The following DNAH14 variants were observed in gnomAD, a reference collection of about 807,000 sequenced individuals.
The protein encoded by DNAH14 is dynein axonemal heavy chain 14.
DNAH14 carries 478 observed loss-of-function variants against 520.9 expected under a neutral mutation model. The observed-to-expected ratio is 0.92, with a 90% CI of 0.85 to 0.99. DNAH14 has a LOEUF of 0.99. Among genes scored for constraint, DNAH14 ranks in the 50% least tolerant of loss-of-function variants. DNAH14 has a pLI of 0.00. For missense variants in DNAH14, 4,831 were observed against 5,234.5 expected, an observed-to-expected ratio of 0.92 and a Z score of 2.38; for synonymous variants, 1,581 against 1,757.2, an observed-to-expected ratio of 0.90 and a Z score of 2.51.
chr1:225,268,165 T>C (rs188727563), intron 49 of DNAH14, among the ~76,000 whole-genome samples: 26 of 152,270 alleles, frequency 1.7e-4, no homozygotes, highest in African/African-American at 6.0e-4. Context: ...GCTCTTTTTG[T>C]TTCGTTTTGT....
At chr1:225,215,739 G>A (rs534119226) in intron 41 of DNAH14, among the ~76,000 whole-genome samples, 62 of 151,564 alleles carry the variant, frequency 4.1e-4, no homozygotes, top group African/African-American at 1.5e-3. Flanking sequence ...TTAACTTTCC[G>A]TTTGCTTGGT....
chr1:225,369,905 G>T (rs749514676), intron 77 of DNAH14, among the ~76,000 whole-genome samples: 13 of 152,294 alleles, frequency 8.5e-5, no homozygotes, highest in Middle Eastern at 6.8e-3. Context: ...AGGGAAATCA[G>T]CCAGGCTCGG....
chr1:225,322,924 T>A, intron 62 of DNAH14, 101 bp downstream of exon 62: 2 of 1,195,586 alleles, frequency 1.7e-6, no homozygotes, highest in Non-Finnish European at 2.2e-6. Context: ...ATGGAGAGAC[T>A]ATTTTCTAGG....
intron 43 of DNAH14, among the ~76,000 whole-genome samples, chr1:225,244,642 G>T (rs1029280720): frequency 2.0e-5 from 3 of 152,110 alleles, no homozygotes; most frequent in African/African-American, 4.8e-5. Flanking sequence ...TTTGCATAGA[G>T]GTTTTTATAT....
At chr1:225,337,993 C>T in intron 67 of DNAH14, 68 bp from the exon 68 acceptor site, 1 of 1,428,034 alleles carries the variant, frequency 7.0e-7, no homozygotes, top group South Asian at 1.5e-5. Context: ...TGTTTTATTG[C>T]TGCTTTTTTT....
intron 11 of DNAH14, among the ~76,000 whole-genome samples, chr1:225,033,252 A>G (rs2066677689): frequency 6.6e-6 from 1 of 152,062 alleles, no homozygotes; most frequent in Non-Finnish European, 1.5e-5. Context: ...ATTGATGTTT[A>G]TATATGGTGT....
At chr1:225,110,811 A>C (rs2076420720) in intron 23 of DNAH14, among the ~76,000 whole-genome samples, 1 of 151,894 alleles carries the variant, frequency 6.6e-6, no homozygotes, top group Admixed American at 6.6e-5. Context: ...GGTATATCCC[A>C]TAAGTTTTGG....
intron 7 of DNAH14, 195 bp downstream of exon 7, chr1:224,969,069 A>C (rs1469449498): frequency 2.3e-6 from 1 of 438,446 alleles, no homozygotes; most frequent in Non-Finnish European, 4.1e-6. Flanking sequence ...GGCATTTAAG[A>C]AGCATTTTTC....
intron 65 of DNAH14, among the ~76,000 whole-genome samples, chr1:225,332,796 A>T (rs1385324999): frequency 6.7e-6 from 1 of 149,002 alleles, no homozygotes; most frequent in Non-Finnish European, 1.5e-5. Context: ...AGAGTTTAAG[A>T]CCAACCGGGC....
chr1:225,021,884 A>G (rs2065728001), intron 10 of DNAH14, among the ~76,000 whole-genome samples: 1 of 152,212 alleles, frequency 6.6e-6, no homozygotes. Flanking sequence ...TTCAAACTAT[A>G]CAAGACTACA....
chr1:225,057,112 T>G (rs2069218934), intron 17 of DNAH14, among the ~76,000 whole-genome samples: 3 of 152,240 alleles, frequency 2.0e-5, no homozygotes, highest in Admixed American at 6.5e-5. Flanking sequence ...AATCTATAAA[T>G]TACCTTGGGC....
rs923963420 is a variant in DNAH14 at position 225,097,239 on chromosome 1, G to A, written c.3695G>A (p.Arg1232Lys). The A allele has an allele frequency of 7.7e-6, 12 of 1,548,410 alleles. No individual in the cohort carries two copies. Among genetic ancestry groups the A allele is most frequent in the Middle Eastern group, 3.4e-4 (2 of 5,940 alleles). ...EPVFHSSEIRRQLPAETELFS... is the reference protein window; with the variant it reads ...EPVFHSSEIRKQLPAETELFS... ...GTCTTTCATTCTTCAGAAATACGAA[G>A]GTAAAATACCTAAAATATACCATAT... Residue 1232 changes from arginine (R) to lysine (K), a missense_variant and splice_region_variant, in exon 22 of 86, where the codon AGG becomes AAG. Physicochemically the swap from Arg to Lys is conservative, Grantham distance 26. Coordinates refer to ENST00000682510, the MANE Select transcript of DNAH14 (RefSeq NM_001367479.1).
intron 71 of DNAH14, among the ~76,000 whole-genome samples, chr1:225,349,043 C>T (rs1415355617): frequency 6.6e-6 from 1 of 152,048 alleles, no homozygotes; most frequent in Non-Finnish European, 1.5e-5. Flanking sequence ...GGGATCATAG[C>T]TCACTGTAGC....
chr1:225,244,654 A>G (rs2092170206), intron 43 of DNAH14, among the ~76,000 whole-genome samples: 1 of 152,112 alleles, frequency 6.6e-6, no homozygotes, highest in African/African-American at 2.4e-5. Flanking sequence ...TTTTTATATT[A>G]ATCTCTGATG....
chr1:224,995,933 A>G lies in DNAH14; in HGVS notation c.831-6850A>G, dbSNP rs1026983758. 2.0e-5 allele frequency among the ~76,000 whole-genome samples: 3 copies of G among 151,854 alleles called. No homozygotes were observed. In the East Asian group the frequency reaches 5.8e-4, roughly 29 times the overall value. On this transcript the variant is annotated intron_variant, in intron 8 of 85. Coordinates refer to ENST00000682510, the MANE Select transcript of DNAH14 (RefSeq NM_001367479.1). ...GTCAGACTTCTAATTTTGTTTGTAT[A>G]TAGTTTTCTAAGTTAATTTTTTATA... is the stretch of plus-strand genomic sequence containing the variant.
At chr1:224,996,385 T>A (rs1194808112) in intron 8 of DNAH14, among the ~76,000 whole-genome samples, 1 of 152,132 alleles carries the variant, frequency 6.6e-6, no homozygotes, top group East Asian at 1.9e-4. Context: ...GGTCTTGAAC[T>A]CCTGGGCTCA....
chr1:225,231,832 A>G (rs546927898), intron 42 of DNAH14, among the ~76,000 whole-genome samples: 63 of 97,996 alleles, frequency 6.4e-4, no homozygotes, highest in African/African-American at 2.3e-3. Context: ...GGTTTCCCCA[A>G]TTTTTTCCTG....
intron 83 of DNAH14, among the ~76,000 whole-genome samples, chr1:225,390,959 G>A (rs1254840151): frequency 2.0e-5 from 3 of 152,010 alleles, no homozygotes; most frequent in Non-Finnish European, 4.4e-5. Flanking sequence ...AAACTAATAG[G>A]TGACTGAGTC....
At chr1:225,206,282 G>A in intron 40 of DNAH14, 103 bp downstream of exon 40, 1 of 1,059,146 alleles carries the variant, frequency 9.4e-7, no homozygotes, top group Non-Finnish European at 1.3e-6. Context: ...TTTTACCTTT[G>A]TATCCAGCAG....
Sources: allele counts gnomAD v4.1 joint callset (sites outside exome capture counted in the v4.1 genomes callset), GRCh38; gene constraint gnomAD v4.1.1; transcripts MANE v1.5; gene names NCBI Gene and HGNC (gene_info 2026-07-23, HGNC 2026-07-21).